MMP16: variants seen among roughly 807,000 people sequenced by gnomAD.
MMP16 encodes the protein matrix metallopeptidase 16.
A neutral mutation model predicts 67.8 loss-of-function variants in MMP16; 12 were observed. The ratio of observed to expected loss-of-function variants is 0.18; its 90% CI spans 0.11 to 0.29. MMP16 has a LOEUF of 0.29. Ranked by LOEUF, MMP16 falls within the 10% of genes least tolerant of loss-of-function variation. MMP16 has a pLI of 1.00. For synonymous variants in MMP16, 249 were observed against 255.9 expected, an observed-to-expected ratio of 0.97 and a Z score of 0.26; for missense variants, 475 against 765.7, an observed-to-expected ratio of 0.62 and a Z score of 4.48.
intron 1 of MMP16, among the ~76,000 whole-genome samples, chr8:88,239,156 G>A (rs7010490): frequency 0.97 from 147,207 of 151,892 alleles, 71,518 homozygotes; most frequent in East Asian, 1. Context: ...ACAAGCAGGC[G>A]TGGTGGCGCT....
chr8:88,211,130 C>T (rs1016108745), intron 1 of MMP16, among the ~76,000 whole-genome samples: 70 of 138,582 alleles, frequency 5.1e-4, no homozygotes, highest in African/African-American at 1.7e-3. Context: ...ACAAACCTAG[C>T]CTTTACTACA....
chr8:88,057,071 A>C (rs1808341771), intron 7 of MMP16, among the ~76,000 whole-genome samples: 1 of 152,092 alleles, frequency 6.6e-6, no homozygotes, highest in African/African-American at 2.4e-5. Context: ...CAGTCCACTG[A>C]AGCTTTTTGT....
chr8:88,279,912 T>C (rs962385051), intron 1 of MMP16, among the ~76,000 whole-genome samples: 1 of 151,984 alleles, frequency 6.6e-6, no homozygotes, highest in African/African-American at 2.4e-5. Flanking sequence ...CTGACACGTT[T>C]TAAAAAAGAG....
At chr8:88,165,487 G>T (rs2129695208) in intron 4 of MMP16, among the ~76,000 whole-genome samples, 1 of 151,982 alleles carries the variant, frequency 6.6e-6, no homozygotes, top group South Asian at 2.1e-4. Context: ...AGTAAATGCA[G>T]CCTGTGTCAG....
chr8:88,119,752 C>A (rs1488952305), intron 4 of MMP16, among the ~76,000 whole-genome samples: 2 of 152,102 alleles, frequency 1.3e-5, no homozygotes, highest in East Asian at 1.9e-4. Context: ...TTTACTTGGA[C>A]AACGTGGTGT....
intron 1 of MMP16, among the ~76,000 whole-genome samples, chr8:88,294,510 C>CTG (rs1810981166): frequency 6.8e-6 from 1 of 146,040 alleles, no homozygotes; most frequent in Non-Finnish European, 1.5e-5. Context: ...GTATATGTCT[C>CTG]TACACACACA....
chr8:88,317,156 G>T (rs1378831340), intron 1 of MMP16, among the ~76,000 whole-genome samples: 2 of 152,170 alleles, frequency 1.3e-5, no homozygotes, highest in African/African-American at 4.8e-5. Context: ...CAGTGGCAGG[G>T]TTTGTCAGGA....
intron 1 of MMP16, among the ~76,000 whole-genome samples, chr8:88,280,429 A>G (rs1314976566): frequency 2.0e-5 from 3 of 152,240 alleles, no homozygotes; most frequent in Non-Finnish European, 4.4e-5. Flanking sequence ...GAGAAAAAAA[A>G]TAACAGAAGA....
At position 88,193,426 on chromosome 8, in the gene MMP16, T is replaced by C. The variant is rs367917015; in HGVS notation, c.281+3732A>G. Among the ~76,000 whole-genome samples the C allele has an allele frequency of 4.6e-5, 7 of 152,162 alleles. No homozygotes were observed. In the East Asian group the frequency reaches 9.6e-4, roughly 21 times the overall value. On this transcript the variant is annotated intron_variant, in intron 2 of 9. Transcript: ENST00000286614. The stretch of plus-strand genomic sequence containing the variant: ...TAGAATTATCTAGAATTATGGTTAC[T>C]AGAGGCTGGGAAGGATAGGAGGGAG...
At chr8:88,301,399 A>T (rs1811097138) in intron 1 of MMP16, among the ~76,000 whole-genome samples, 1 of 152,184 alleles carries the variant, frequency 6.6e-6, no homozygotes, top group Non-Finnish European at 1.5e-5. Context: ...TCCTTCCTGG[A>T]AGCAGGAAAA....
Position 88,058,330 on chromosome 8 carries a change from G to GA in MMP16, c.1223-2053dup, listed in dbSNP as rs1293418092. 6.6e-6 allele frequency among the ~76,000 whole-genome samples: 1 copy of GA among 152,106 alleles called. No individual in the cohort carries two copies. The highest frequency in any genetic ancestry group is 1.9e-4 in the East Asian group (1 of 5,192). On this transcript the variant is annotated intron_variant, in intron 7 of 9. Coordinates refer to ENST00000286614, the MANE Select transcript of MMP16 (RefSeq NM_005941.5). This position sits in a 1 kb window ranked among gnomAD's most constrained non-coding sequence, Gnocchi z 4.2. ...ATTATAAAGGGAAGAATGAAAATAA[G>GA]ATGACCCATCAAGAGTCTTTGGCAA...
At chr8:88,074,778 C>G in intron 6 of MMP16, 35 bp from the exon 7 acceptor site, 1 of 1,598,746 alleles carries the variant, frequency 6.3e-7, no homozygotes, top group Non-Finnish European at 8.5e-7. Flanking sequence ...TCAACAAACA[C>G]GTAGGCCTCC....
intron 6 of MMP16, among the ~76,000 whole-genome samples, chr8:88,102,161 A>T (rs1809155773): frequency 2.0e-5 from 3 of 151,766 alleles, no homozygotes; most frequent in African/African-American, 7.2e-5. Context: ...TGCAGTGGAT[A>T]TCAGCTGAGT....
intron 6 of MMP16, among the ~76,000 whole-genome samples, chr8:88,104,571 T>C (rs1008996325): frequency 1.3e-5 from 2 of 151,732 alleles, no homozygotes; most frequent in Non-Finnish European, 2.9e-5. Flanking sequence ...CTGCCAGTCA[T>C]GTAAAATTAT....
intron 1 of MMP16, among the ~76,000 whole-genome samples, chr8:88,264,143 C>T (rs896428873): frequency 6.6e-6 from 1 of 150,584 alleles, no homozygotes; most frequent in Non-Finnish European, 1.5e-5. Flanking sequence ...GGAAAGAAGT[C>T]AATATGTATT....
intron 6 of MMP16, among the ~76,000 whole-genome samples, chr8:88,096,233 G>A (rs1809024340): frequency 6.6e-6 from 1 of 151,818 alleles, no homozygotes; most frequent in South Asian, 2.1e-4. Context: ...GAATATTAAT[G>A]GGTTTGATTA....
chr8:88,290,290 C>T (rs117270772), intron 1 of MMP16, among the ~76,000 whole-genome samples: 5,463 of 152,168 alleles, frequency 0.036, 134 homozygotes, highest in South Asian at 0.062. Flanking sequence ...CGGTGGCTCA[C>T]GTCTGTAATC....
intron 6 of MMP16, among the ~76,000 whole-genome samples, chr8:88,103,029 G>A (rs1809170805): frequency 6.6e-6 from 1 of 151,736 alleles, no homozygotes; most frequent in African/African-American, 2.4e-5. Context: ...TTCCCAACAT[G>A]GCATATAATA....
At chr8:88,133,558 C>T (rs1344518221) in intron 4 of MMP16, among the ~76,000 whole-genome samples, 1 of 151,802 alleles carries the variant, frequency 6.6e-6, no homozygotes, top group Non-Finnish European at 1.5e-5. Flanking sequence ...TAGTCACATT[C>T]CTTACATGCT....
Sources: gnomAD v4.1 joint callset for allele counts (sites outside exome capture counted in the v4.1 genomes callset) on GRCh38, gnomAD v4.1.1 for gene constraint, Gnocchi (gnomAD v3.1) non-coding constraint, MANE v1.5 for transcripts, NCBI Gene and HGNC (gene_info 2026-07-23, HGNC 2026-07-21) for gene names.